The following KIF6 variants were observed in gnomAD, a reference collection of about 807,000 sequenced individuals.
KIF6 encodes the protein kinesin family member 6, also known as kinesin-like protein KIF6.
In KIF6, 106 loss-of-function variants were observed where a neutral mutation model predicts 112.7. That is an observed-to-expected ratio of 0.94 (90% CI 0.80 to 1.11). The LOEUF is 1.11. Ranked by LOEUF, KIF6 falls within the 50% of genes least tolerant of loss-of-function variation. The probability of loss-of-function intolerance (pLI) is 0.00; values close to 1 mark genes in which losing one functional copy is unlikely to be tolerated. For synonymous variants in KIF6, 339 were observed against 339.9 expected (o/e 1.00, Z 0.03); for missense variants, 929 against 964.0 (o/e 0.96, Z 0.48).
At chr6:39,544,390 C>G in intron 12 of KIF6, 165 bp downstream of exon 12, 1 of 505,620 alleles carries the variant, frequency 2.0e-6, no homozygotes, top group Non-Finnish European at 3.3e-6. Flanking sequence ...CTCTTTTTCA[C>G]TGGTTGCAAT....
chr6:39,643,243 A>G (rs957607190), intron 3 of KIF6, among the ~76,000 whole-genome samples: 2 of 149,808 alleles, frequency 1.3e-5, no homozygotes, highest in Non-Finnish European at 3.0e-5. Context: ...AGATGGCAAT[A>G]TTCCCTAAAC....
At chr6:39,391,104 A>C (rs1039511038) in intron 15 of KIF6, among the ~76,000 whole-genome samples, 4 of 152,186 alleles carry the variant, frequency 2.6e-5, no homozygotes, top group Non-Finnish European at 5.9e-5. Flanking sequence ...ACCTCTTCTC[A>C]CCATAGCAGT....
At chr6:39,521,324 G>T (rs978078822) in intron 13 of KIF6, among the ~76,000 whole-genome samples, 1 of 152,178 alleles carries the variant, frequency 6.6e-6, no homozygotes, top group African/African-American at 2.4e-5. Flanking sequence ...GTGTCTGTAT[G>T]TTACCTCTAG....
chr6:39,398,973 CAGTT>C (rs1007861858), intron 15 of KIF6, among the ~76,000 whole-genome samples: 1 of 152,184 alleles, frequency 6.6e-6, no homozygotes, highest in Non-Finnish European at 1.5e-5. Flanking sequence ...CTCACCCAGT[CAGTT>C]AAAGGCCTTA....
At chr6:39,340,113 G>T (rs759496803) in intron 22 of KIF6, among the ~76,000 whole-genome samples, 10 of 152,210 alleles carry the variant, frequency 6.6e-5, no homozygotes, top group Admixed American at 2.6e-4. Flanking sequence ...CTGTATGTCT[G>T]AGAGGTCACG....
intron 3 of KIF6, among the ~76,000 whole-genome samples, chr6:39,709,389 G>A (rs2395729): frequency 5.9e-5 from 9 of 152,032 alleles, no homozygotes; most frequent in African/African-American, 1.2e-4. Flanking sequence ...TAGATTGCTC[G>A]CATGCACAGT....
chr6:39,381,718 T>C (rs1207759390), intron 16 of KIF6, among the ~76,000 whole-genome samples: 1 of 152,210 alleles, frequency 6.6e-6, no homozygotes, highest in Non-Finnish European at 1.5e-5. Context: ...GACGGCAACA[T>C]GGCATTTAAT....
rs779709123 is a variant in KIF6, at chr6:39,578,160, C to T, written c.1078-1G>A. ...TTTCCTTTTGTAGGCGTTTAATCAC[C>T]TACAAATGGCAAAGAGGCAGAGAAA... On this transcript the variant is annotated splice_acceptor_variant, in intron 9 of 22. Coordinates refer to ENST00000287152, the MANE Select transcript of KIF6 (RefSeq NM_145027.6). LOFTEE classifies it high-confidence loss of function. 1.6e-5 allele frequency: 25 copies of T among 1,597,294 alleles called. No individual in the cohort carries two copies. Among genetic ancestry groups the T allele is most frequent in the Non-Finnish European group, 2.1e-5 (25 of 1,164,914 alleles).
chr6:39,698,314 T>C (rs1334654344), intron 3 of KIF6, among the ~76,000 whole-genome samples: 1 of 152,222 alleles, frequency 6.6e-6, no homozygotes, highest in African/African-American at 2.4e-5. Context: ...AAAAGAATCA[T>C]ACAAAAGAAG....
At chr6:39,525,329 C>T (rs571798075) in intron 13 of KIF6, among the ~76,000 whole-genome samples, 19 of 152,086 alleles carry the variant, frequency 1.2e-4, no homozygotes, top group Non-Finnish European at 1.8e-4. Context: ...GCTAGGTTTA[C>T]GGGCAAGAGC....
chr6:39,374,820 C>A (rs1766303753), intron 16 of KIF6, among the ~76,000 whole-genome samples: 1 of 152,128 alleles, frequency 6.6e-6, no homozygotes, highest in South Asian at 2.1e-4. Context: ...GGAGGTTGTT[C>A]AAAATACTAA....
At chr6:39,490,605 T>C (rs1337741208) in intron 13 of KIF6, among the ~76,000 whole-genome samples, 1 of 152,218 alleles carries the variant, frequency 6.6e-6, no homozygotes, top group Non-Finnish European at 1.5e-5. Flanking sequence ...CTGCTCATGT[T>C]GCAGACTGAA....
At chr6:39,548,346 A>C (rs1339259203) in intron 10 of KIF6, among the ~76,000 whole-genome samples, 1 of 152,312 alleles carries the variant, frequency 6.6e-6, no homozygotes, top group East Asian at 1.9e-4. Context: ...ACACAGCAAC[A>C]CTGTAGAATA....
At chr6:39,379,334 A>G (rs1453334558) in intron 16 of KIF6, among the ~76,000 whole-genome samples, 1 of 152,104 alleles carries the variant, frequency 6.6e-6, no homozygotes, top group Non-Finnish European at 1.5e-5. Flanking sequence ...CAAATGTCTC[A>G]TTGTGCTTTT....
At chr6:39,390,382 G>T (rs1767777391) in intron 15 of KIF6, among the ~76,000 whole-genome samples, 1 of 152,156 alleles carries the variant, frequency 6.6e-6, no homozygotes, top group African/African-American at 2.4e-5. Flanking sequence ...AGGAGGGAAA[G>T]GAGACATTGG....
At chr6:39,693,139 G>T (rs1230584950) in intron 3 of KIF6, among the ~76,000 whole-genome samples, 1 of 152,188 alleles carries the variant, frequency 6.6e-6, no homozygotes, top group Non-Finnish European at 1.5e-5. Context: ...TCCTCCAGGA[G>T]CCACTTTGTT....
At chr6:39,707,307 T>C (rs1789271542) in intron 3 of KIF6, among the ~76,000 whole-genome samples, 1 of 152,202 alleles carries the variant, frequency 6.6e-6, no homozygotes, top group Non-Finnish European at 1.5e-5. Flanking sequence ...TTCCATGGTA[T>C]CTGGACGGAG....
At chr6:39,434,301 C>T (rs759972531) in intron 13 of KIF6, among the ~76,000 whole-genome samples, 5 of 151,874 alleles carry the variant, frequency 3.3e-5, no homozygotes, top group Non-Finnish European at 7.4e-5. Flanking sequence ...CAATGGCTCA[C>T]GACTGTAATC....
intron 6 of KIF6, among the ~76,000 whole-genome samples, chr6:39,607,829 T>C (rs967898174): frequency 6.6e-6 from 1 of 152,224 alleles, no homozygotes; most frequent in Admixed American, 6.5e-5. Context: ...AACTTGCTAA[T>C]TATATATAAC....
Sources: gnomAD v4.1 joint callset for allele counts (sites outside exome capture counted in the v4.1 genomes callset) on GRCh38, gnomAD v4.1.1 for gene constraint, MANE v1.5 for transcripts, NCBI Gene and HGNC (gene_info 2026-07-23, HGNC 2026-07-21) for gene names.